The following RPTOR variants were observed in gnomAD, a reference collection of about 807,000 sequenced individuals.
RPTOR encodes regulatory associated protein of MTOR complex 1, also known as regulatory-associated protein of mTOR.
RPTOR carries 21 observed loss-of-function variants against 169.9 expected under a neutral mutation model. That is an observed-to-expected ratio of 0.12 (90% CI 0.09 to 0.18). The LOEUF is 0.18. RPTOR is among the 10% of genes least tolerant of loss of function. The probability of loss-of-function intolerance (pLI) is 1.00; values close to 1 mark genes in which losing one functional copy is unlikely to be tolerated. For synonymous variants in RPTOR, 732 were observed against 753.2 expected (o/e 0.97, Z 0.46); for missense variants, 1,133 against 1,855.9 (o/e 0.61, Z 7.16).
intron 13 of RPTOR, among the ~76,000 whole-genome samples, chr17:80,877,996 G>T (rs1344740973): frequency 1.3e-5 from 2 of 152,222 alleles, no homozygotes; most frequent in East Asian, 1.9e-4. Context: ...ATAACCAGCA[G>T]ATTCCCTCTG....
intron 1 of RPTOR, among the ~76,000 whole-genome samples, chr17:80,619,128 G>T (rs1443188949): frequency 6.6e-6 from 1 of 152,126 alleles, no homozygotes; most frequent in African/African-American, 2.4e-5. Context: ...GAATTGGGTG[G>T]CTCTGCCTTC....
intron 1 of RPTOR, among the ~76,000 whole-genome samples, chr17:80,583,191 T>TTTTTTTTG (rs1568318384): frequency 6.1e-5 from 8 of 132,148 alleles, no homozygotes; most frequent in South Asian, 5.1e-4. Flanking sequence ...TGTTTTTTTT[T>TTTTTTTTG]TTTTTTTTTT....
At chr17:80,847,385 A>G (rs2067743713) in intron 11 of RPTOR, among the ~76,000 whole-genome samples, 1 of 152,246 alleles carries the variant, frequency 6.6e-6, no homozygotes, top group Non-Finnish European at 1.5e-5. Flanking sequence ...AAGATTCCAC[A>G]GAACTTTTGT....
intron 5 of RPTOR, among the ~76,000 whole-genome samples, chr17:80,734,303 A>G (rs1029854062): frequency 6.6e-6 from 1 of 152,124 alleles, no homozygotes; most frequent in African/African-American, 2.4e-5. Flanking sequence ...CGCTCAGCCG[A>G]TCGTGCCTGT....
intron 6 of RPTOR, among the ~76,000 whole-genome samples, chr17:80,768,967 C>T (rs2066815470): frequency 6.6e-6 from 1 of 152,196 alleles, no homozygotes; most frequent in African/African-American, 2.4e-5. Flanking sequence ...TTGTGCTAAA[C>T]TGGACAGTAT....
At chr17:80,786,794 A>G (rs1291325606) in intron 6 of RPTOR, among the ~76,000 whole-genome samples, 1 of 152,378 alleles carries the variant, frequency 6.6e-6, no homozygotes, top group Admixed American at 6.5e-5. Context: ...TAGGCCAAAC[A>G]TAAAACATGT....
At chr17:80,909,803 G>A (rs1000397331) in intron 21 of RPTOR, 3 of 152,156 alleles carry the variant, frequency 2.0e-5, no homozygotes, top group Non-Finnish European at 4.4e-5. Flanking sequence ...GTTTTTCTCT[G>A]TTGTTTGTCC....
chr17:80,908,920 C>T lies in RPTOR; in HGVS notation c.2511C>T (p.Ile837=). ...SDVAMKVLNS[I]AYKATVNARP... is the part of the protein sequence containing the mutation. Reference sequence around the variant, plus strand: ...TGGCCATGAAAGTACTCAACAGCATCGCCTACAAGGTACGTGCCGGGCGCT... The same window carrying T: ...TGGCCATGAAAGTACTCAACAGCATTGCCTACAAGGTACGTGCCGGGCGCT... The change falls in exon 21 of 34, where the codon ATC becomes ATT. Residue 837 remains isoleucine, a synonymous_variant. Coordinates refer to ENST00000306801, the MANE Select transcript of RPTOR (RefSeq NM_020761.3). 2 of 1,612,652 alleles carry T rather than the reference C, an allele frequency of 1.2e-6. No individual in the cohort carries two copies. Among genetic ancestry groups the T allele is most frequent in the Non-Finnish European group, 8.5e-7 (1 of 1,178,706 alleles).
At chr17:80,580,214 CATGTT>C (rs67411156) in intron 1 of RPTOR, among the ~76,000 whole-genome samples, 28,697 of 151,980 alleles carry the variant, frequency 0.19, 2,965 homozygotes, top group East Asian at 0.28. Context: ...TATTATAACT[CATGTT>C]ATGATGAGAC....
intron 1 of RPTOR, among the ~76,000 whole-genome samples, chr17:80,577,473 C>T (rs2064974458): frequency 6.6e-6 from 1 of 151,848 alleles, no homozygotes; most frequent in South Asian, 2.1e-4. Flanking sequence ...GAGCTAGGGT[C>T]TTCCTATGTG....
intron 1 of RPTOR, among the ~76,000 whole-genome samples, chr17:80,606,309 C>CTTT (rs56331722): frequency 4.0e-5 from 5 of 123,860 alleles, no homozygotes; most frequent in South Asian, 2.7e-4. Flanking sequence ...GGTGCCTGGC[C>CTTT]TTTTTTTTTT....
intron 22 of RPTOR, among the ~76,000 whole-genome samples, chr17:80,923,081 T>C (rs1181042107): frequency 6.6e-6 from 1 of 152,244 alleles, no homozygotes; most frequent in Non-Finnish European, 1.5e-5. Flanking sequence ...AAAAGTTGAA[T>C]GAAGCCTGGT....
intron 1 of RPTOR, among the ~76,000 whole-genome samples, chr17:80,589,236 A>G (rs1421555198): frequency 1.3e-5 from 2 of 152,188 alleles, no homozygotes; most frequent in Admixed American, 1.3e-4. Context: ...TGCAGGGACT[A>G]TGATGACTCC....
chr17:80,774,269 A>G, intron 6 of RPTOR: 2 of 985,418 alleles, frequency 2.0e-6, no homozygotes, highest in Non-Finnish European at 2.4e-6. Context: ...CCGGTGTGAC[A>G]CAGACGGCGC....
chr17:80,819,088 G>A (rs529354155), intron 7 of RPTOR, among the ~76,000 whole-genome samples: 1 of 152,330 alleles, frequency 6.6e-6, no homozygotes, highest in African/African-American at 2.4e-5. Flanking sequence ...CTGTGCTTGT[G>A]ATGGTCCCTG....
At chr17:80,600,523 T>C (rs1028447893) in intron 1 of RPTOR, among the ~76,000 whole-genome samples, 4 of 152,166 alleles carry the variant, frequency 2.6e-5, no homozygotes, top group Middle Eastern at 3.2e-3. Flanking sequence ...GTGCTGGCGC[T>C]GTGTGCCTGC....
chr17:80,895,869 A>T (rs1216947778), intron 20 of RPTOR, among the ~76,000 whole-genome samples: 1 of 152,226 alleles, frequency 6.6e-6, no homozygotes, highest in Non-Finnish European at 1.5e-5. Context: ...GCAGCCTTAC[A>T]GACTCGCCTT....
rs2066335739 is a variant in RPTOR at position 80,726,463 on chromosome 17, T to C, written c.508-4097T>C. On this transcript the variant is annotated intron_variant, in intron 4 of 33. Transcript: ENST00000306801. This position sits in a 1 kb window ranked among gnomAD's most constrained non-coding sequence, Gnocchi z 4.5. ...TATGACGGATCATCTTCCTGAACTT[T>C]GCATCTCAGAATTTAAAATGGAGAT... 8.6e-6 allele frequency among the ~76,000 whole-genome samples: 1 copy of C among 116,244 alleles called. No individual in the cohort carries two copies. Among genetic ancestry groups the C allele is most frequent in the African/African-American group, 3.3e-5 (1 of 30,102 alleles). 76.3% of individuals were successfully genotyped at this position (116,244 alleles called of 152,430 possible). A position where few individuals can be genotyped will look rare whatever the true frequency, so the allele number is the denominator to read the frequency against.
chr17:80,662,563 G>T (rs1376782524), intron 3 of RPTOR, among the ~76,000 whole-genome samples: 2 of 152,116 alleles, frequency 1.3e-5, no homozygotes, highest in Non-Finnish European at 2.9e-5. Flanking sequence ...GATGGGTCCA[G>T]GTGGGGTCAG....
Sources: allele counts gnomAD v4.1 joint callset (sites outside exome capture counted in the v4.1 genomes callset), GRCh38; gene constraint gnomAD v4.1.1; non-coding constraint Gnocchi (gnomAD v3.1); transcripts MANE v1.5; gene names NCBI Gene and HGNC (gene_info 2026-07-23, HGNC 2026-07-21).